Variants in HMGB1 observed in about 807,000 individuals in gnomAD.
HMGB1 encodes the protein high mobility group protein B1.
For missense variants in HMGB1, 79 were observed against 253.5 expected, an observed-to-expected ratio of 0.31 and a Z score of 4.67; for synonymous variants, 81 against 84.0, an observed-to-expected ratio of 0.96 and a Z score of 0.19.
chr13:30,458,972 C>CA lies in HMGB1; in HGVS notation c.*2384dup, dbSNP rs917027892. On this transcript the variant is annotated 3_prime_UTR_variant, in exon 5 of 5. Coordinates refer to ENST00000341423, the MANE Select transcript of HMGB1 (RefSeq NM_002128.7). Reference sequence around the variant, plus strand: ...ATGCCATATGCCTATCTTTAAAATACAAAAAAACTAAGATTTATACATCTT... The same window carrying CA: ...ATGCCATATGCCTATCTTTAAAATACAAAAAAAACTAAGATTTATACATCTT... The CA allele has an allele frequency of 3.3e-5, 5 of 151,990 alleles. No homozygotes were observed. Among genetic ancestry groups the CA allele is most frequent in the Admixed American group, 6.6e-5 (1 of 15,250 alleles). The allele number at this position is 151,990 out of a possible 1,614,324, so 9.4% of individuals were successfully genotyped here.
chr13:30,604,783 G>A (rs1010984146), intron 1 of HMGB1, among the ~76,000 whole-genome samples: 7 of 152,062 alleles, frequency 4.6e-5, no homozygotes, highest in Non-Finnish European at 1.0e-4. Flanking sequence ...TCAGCCTCCC[G>A]AGTAGCTGGG....
chr13:30,555,975 A>G (rs1474622439), intron 1 of HMGB1, among the ~76,000 whole-genome samples: 1 of 152,370 alleles, frequency 6.6e-6, no homozygotes, highest in Middle Eastern at 3.4e-3. Flanking sequence ...TATTCAAAAG[A>G]AAAATTCTAT....
intron 1 of HMGB1, among the ~76,000 whole-genome samples, chr13:30,571,467 T>C (rs1406218458): frequency 2.0e-5 from 3 of 152,076 alleles, no homozygotes; most frequent in African/African-American, 7.2e-5. Flanking sequence ...GCTAATTTTT[T>C]TTATTTTTAG....
chr13:30,496,669 G>A (rs140951187), intron 1 of HMGB1, among the ~76,000 whole-genome samples: 3 of 152,334 alleles, frequency 2.0e-5, no homozygotes, highest in African/African-American at 7.2e-5. Flanking sequence ...CATCTTTGTT[G>A]TTGGCTTTTC....
At position 30,488,772 on chromosome 13, in the gene HMGB1, G is replaced by T. The variant is rs942908530; in HGVS notation, c.-14-25078C>A. On this transcript the variant is annotated intron_variant, in intron 1 of 4. Transcript: ENST00000405805. Reference sequence around the variant, plus strand: ...GGGCTCAAGAGATCCTCCTGCCTCAGCCTCCCAAAGTGCTGGGATTACAGG... The same window carrying T: ...GGGCTCAAGAGATCCTCCTGCCTCATCCTCCCAAAGTGCTGGGATTACAGG... Among the ~76,000 whole-genome samples the T allele has an allele frequency of 2.0e-5, 3 of 151,478 alleles. No homozygotes were observed. The South Asian group carries it at 6.2e-4, about 32-fold the overall frequency.
intron 1 of HMGB1, chr13:30,554,014 T>C (rs1026436661): frequency 4.2e-5 from 62 of 1,482,028 alleles, no homozygotes; most frequent in Non-Finnish European, 2.8e-5. Flanking sequence ...CTGAACCGCA[T>C]TGTGGAGAAA....
At chr13:30,586,565 G>A (rs1018097264) in intron 1 of HMGB1, among the ~76,000 whole-genome samples, 6 of 137,128 alleles carry the variant, frequency 4.4e-5, no homozygotes, top group Non-Finnish European at 9.1e-5. Flanking sequence ...TCGGCTCACT[G>A]CAAGTTCCAC....
chr13:30,524,987 G>A (rs9506323), intron 1 of HMGB1, among the ~76,000 whole-genome samples: 117,796 of 152,110 alleles, frequency 0.77, 46,369 homozygotes, highest in Non-Finnish European at 0.84. Context: ...TTATTTGTAG[G>A]CCAGACAGAA....
At chr13:30,546,406 G>A (rs903655829) in intron 1 of HMGB1, among the ~76,000 whole-genome samples, 14 of 152,338 alleles carry the variant, frequency 9.2e-5, no homozygotes, top group African/African-American at 3.4e-4. Flanking sequence ...GAGCCACTGA[G>A]CCCGGCCAAC....
chr13:30,542,117 C>A (rs1008232633), intron 1 of HMGB1: 1 of 153,622 alleles, frequency 6.5e-6, no homozygotes, highest in Non-Finnish European at 1.5e-5. Context: ...CAGAGTAGTG[C>A]GGCCCCGCCT....
At chr13:30,521,026 A>C (rs1349520789) in intron 1 of HMGB1, among the ~76,000 whole-genome samples, 2 of 152,208 alleles carry the variant, frequency 1.3e-5, no homozygotes, top group African/African-American at 4.8e-5. Context: ...GTTCATGGAC[A>C]TGACGACTGT....
chr13:30,569,649 C>T (rs753394131), intron 1 of HMGB1, among the ~76,000 whole-genome samples: 2 of 152,084 alleles, frequency 1.3e-5, no homozygotes, highest in East Asian at 1.9e-4. Flanking sequence ...AACCAGGCCT[C>T]GAGCTACTCA....
At chr13:30,590,686 C>T (rs2137552403) in intron 1 of HMGB1, among the ~76,000 whole-genome samples, 1 of 152,286 alleles carries the variant, frequency 6.6e-6, no homozygotes, top group South Asian at 2.1e-4. Context: ...AAATCTTAAT[C>T]CTCAATGCAA....
chr13:30,539,375 G>C (rs976185568), intron 1 of HMGB1, among the ~76,000 whole-genome samples: 1 of 152,214 alleles, frequency 6.6e-6, no homozygotes, highest in African/African-American at 2.4e-5. Flanking sequence ...TGTTGTATTT[G>C]TAACCAGATG....
At chr13:30,595,993 A>T (rs1196428276) in intron 1 of HMGB1, among the ~76,000 whole-genome samples, 1 of 152,228 alleles carries the variant, frequency 6.6e-6, no homozygotes, top group African/African-American at 2.4e-5. Flanking sequence ...AAGAGGCAAG[A>T]ATCCTTGGGG....
chr13:30,549,937 G>C (rs1333348386), intron 1 of HMGB1, among the ~76,000 whole-genome samples: 1 of 151,848 alleles, frequency 6.6e-6, no homozygotes, highest in Non-Finnish European at 1.5e-5. Context: ...GGCTGGTCTG[G>C]AACTCCTGAC....
chr13:30,464,292 ATC>A, intron 1 of HMGB1: 1 of 985,434 alleles, frequency 1.0e-6, no homozygotes, highest in Non-Finnish European at 1.2e-6. Context: ...CTCGTTTCCT[ATC>A]GGTTTGGCCC....
chr13:30,611,897 A>G (rs991966068), intron 1 of HMGB1, among the ~76,000 whole-genome samples: 5 of 152,122 alleles, frequency 3.3e-5, no homozygotes, highest in Non-Finnish European at 5.9e-5. Flanking sequence ...AGCTTTCTCA[A>G]TAAGAAAAGA....
chr13:30,529,086 A>G (rs544274317), intron 1 of HMGB1, among the ~76,000 whole-genome samples: 75 of 151,282 alleles, frequency 5.0e-4, no homozygotes, highest in Non-Finnish European at 9.4e-4. Flanking sequence ...TTGGGTAGTC[A>G]GAAAGAATCA....
Sources: gnomAD v4.1 joint callset for allele counts (sites outside exome capture counted in the v4.1 genomes callset) on GRCh38, gnomAD v4.1.1 for gene constraint, MANE v1.5 for transcripts, NCBI Gene and HGNC (gene_info 2026-07-23, HGNC 2026-07-21) for gene names.